RFPL2: variants seen among roughly 807,000 people sequenced by gnomAD.
RFPL2 encodes ret finger protein-like 2.
A neutral mutation model predicts 17.8 loss-of-function variants in RFPL2; 13 were observed. That is an observed-to-expected ratio of 0.73 (90% CI 0.47 to 1.16). The LOEUF (loss-of-function observed/expected upper bound fraction) is 1.16. Among genes scored for constraint, RFPL2 ranks in the 50% most tolerant of loss-of-function variants. The pLI is 0.00. For synonymous variants in RFPL2, 189 were observed against 180.9 expected, an observed-to-expected ratio of 1.04 and a Z score of -0.36; for missense variants, 431 against 479.3, an observed-to-expected ratio of 0.90 and a Z score of 0.94.
In RFPL2 at chr22:32,192,963, C is replaced by T; in HGVS notation, c.495G>A (p.Lys165=). 1.2e-6 allele frequency: 2 copies of T among 1,614,160 alleles called. No individual in the cohort carries two copies. Among genetic ancestry groups the T allele is most frequent in the Non-Finnish European group, 1.7e-6 (2 of 1,180,028 alleles). Residue 165 remains lysine, a synonymous_variant, in exon 4 of 5, where the codon AAG becomes AAA. Coordinates refer to ENST00000652607, the MANE Select transcript of RFPL2 (RefSeq NM_001394555.1). ...RQLERLASHI[K]ELEPKLKKIL... is the part of the protein sequence containing the mutation. ...TCTTCTTCAGCTTGGGCTCCAGTTC[C>T]TTGATGTGGGAAGCCAGCCTCTCTA...
At chr22:32,200,876 G>A (rs930533237) in intron 2 of RFPL2, among the ~76,000 whole-genome samples, 7 of 151,944 alleles carry the variant, frequency 4.6e-5, no homozygotes, top group Non-Finnish European at 1.0e-4. Context: ...GGCCCGCCTC[G>A]ATTCTTCACC....
rs136492 is a variant in RFPL2, at chr22:32,201,039, CT to C, written c.119+1293del. Among the ~76,000 whole-genome samples, 1,301 of 130,494 alleles carry C rather than the reference CT, an allele frequency of 1.0e-2. 8 individuals carry two copies. Among genetic ancestry groups the C allele is most frequent in the Non-Finnish European group, 0.012 (754 of 62,066 alleles). The allele number at this position is 130,494 out of a possible 152,430, so 85.6% of individuals were successfully genotyped here. ...AGGGTAATAGGTGTTCCCTTATTTCCTTTTTTTTTTTTTTTTTTGAGACAGT... is the reference window on the plus strand; with the variant it reads ...AGGGTAATAGGTGTTCCCTTATTTCCTTTTTTTTTTTTTTTTTGAGACAGT... On this transcript the variant is annotated intron_variant, in intron 2 of 4. Transcript: ENST00000652607.
chr22:32,193,491 G>C, intron 3 of RFPL2: 1 of 1,418,778 alleles, frequency 7.0e-7, no homozygotes, highest in Non-Finnish European at 9.2e-7. Context: ...GCACCCATGT[G>C]AGGAACAGCG....
At chr22:32,195,192 C>G (rs773630000) in intron 2 of RFPL2, among the ~76,000 whole-genome samples, 1 of 152,136 alleles carries the variant, frequency 6.6e-6, no homozygotes, top group Non-Finnish European at 1.5e-5. Flanking sequence ...TTTTCCCTAT[C>G]CCTTTGGCAC....
At chr22:32,204,310 C>G (rs975054098) in intron 1 of RFPL2, among the ~76,000 whole-genome samples, 1 of 152,170 alleles carries the variant, frequency 6.6e-6, no homozygotes, top group African/African-American at 2.4e-5. Context: ...TACCCCAGCG[C>G]GACCAGTGCA....
chr22:32,193,802 G>A (rs1454139977), intron 3 of RFPL2, among the ~76,000 whole-genome samples: 1 of 148,986 alleles, frequency 6.7e-6, no homozygotes, highest in Non-Finnish European at 1.5e-5. Context: ...GGCAGAGGTT[G>A]CAGTGAGCCG....
Position 32,202,534 on chromosome 22 carries a change from G to T in RFPL2, c.-83C>A. On this transcript the variant is annotated 5_prime_UTR_variant, in exon 2 of 5. The change creates a new upstream start codon in the 5' untranslated region. Coordinates refer to ENST00000652607, the MANE Select transcript of RFPL2 (RefSeq NM_001394555.1). ...TCTCAGGGCACTGGGCATCCGGGCA[G>T]ACAAAGCCAGAAAAGCCTAGAACAG... 6.5e-7 allele frequency: 1 copy of T among 1,535,568 alleles called. No individual in the cohort carries two copies. The highest frequency in any genetic ancestry group is 1.2e-5 in the South Asian group (1 of 82,300).
At chr22:32,194,294 C>A in intron 3 of RFPL2, 51 bp downstream of exon 3, 12 of 1,579,384 alleles carry the variant, frequency 7.6e-6, no homozygotes, top group Non-Finnish European at 1.0e-5. Context: ...AGTCATAACC[C>A]CCATTTCTAG....
rs1032965702 is a variant in RFPL2, at chr22:32,190,607, A to T, written c.*165T>A. 1 of 642,360 alleles carries T rather than the reference A, an allele frequency of 1.6e-6. No individual in the cohort carries two copies. The highest frequency in any genetic ancestry group is 1.9e-5 in the African/African-American group (1 of 53,530). The allele number at this position is 642,360 out of a possible 1,614,324, so 39.8% of individuals were successfully genotyped here. ...GAGTTTGATGGTGGCAATAATTAAT[A>T]CTTAGGACTCTATAATCTAATCAAA... is the stretch of plus-strand genomic sequence containing the variant. On this transcript the variant is annotated 3_prime_UTR_variant, in exon 5 of 5. Transcript: ENST00000652607.
intron 1 of RFPL2, chr22:32,202,879 C>G (rs2123821221): frequency 9.8e-7 from 1 of 1,023,032 alleles, no homozygotes; most frequent in East Asian, 9.4e-5. Flanking sequence ...GCCCTGTAGC[C>G]TCCTCGTGTC....
At chr22:32,202,698 C>T in intron 1 of RFPL2, 148 bp from the exon 2 acceptor site, 2 of 1,318,178 alleles carry the variant, frequency 1.5e-6, no homozygotes, top group Non-Finnish European at 1.9e-6. Context: ...GAACTGCGGC[C>T]TGGAGTGGGG....
At position 32,194,572 on chromosome 22, in the gene RFPL2, C is replaced by G; in HGVS notation, c.120-82G>C. 3 of 1,372,886 alleles carry G rather than the reference C, an allele frequency of 2.2e-6. No homozygotes were observed. In the South Asian group the frequency reaches 3.8e-5, roughly 17 times the overall value. 85.0% of individuals were successfully genotyped at this position (1,372,886 alleles called of 1,614,324 possible). ...ATTATAACTTCAGTAAATCCTTCAT[C>G]CTGACAGTGTATTTTTCTTTCATAT... On this transcript the variant is annotated intron_variant, in intron 2 of 4. Coordinates refer to ENST00000652607, the MANE Select transcript of RFPL2 (RefSeq NM_001394555.1).
chr22:32,193,332 C>T (rs1165158142), intron 3 of RFPL2, 140 bp from the exon 4 acceptor site: 10 of 1,574,678 alleles, frequency 6.4e-6, no homozygotes, highest in Non-Finnish European at 7.8e-6. Context: ...TGAGTACAAA[C>T]ACTCAAGCAC....
At chr22:32,192,304 A>G (rs1477360244) in intron 4 of RFPL2, among the ~76,000 whole-genome samples, 11 of 152,062 alleles carry the variant, frequency 7.2e-5, no homozygotes, top group Admixed American at 6.5e-4. Flanking sequence ...AGTTATAGAG[A>G]TGTATAGTAT....
intron 1 of RFPL2, chr22:32,203,398 C>T (rs1244975448): frequency 1.3e-5 from 2 of 151,778 alleles, no homozygotes; most frequent in Admixed American, 1.3e-4. Context: ...AGATAGCGCC[C>T]CTAAAACGCC....
At chr22:32,202,209 T>A in intron 2 of RFPL2, 124 bp downstream of exon 2, 1 of 1,235,564 alleles carries the variant, frequency 8.1e-7, no homozygotes, top group South Asian at 1.5e-5. Flanking sequence ...TGGACTCCCC[T>A]CTCCTTCTCT....
At chr22:32,193,571 G>A in intron 3 of RFPL2, 2 of 1,152,938 alleles carry the variant, frequency 1.7e-6, no homozygotes, top group Non-Finnish European at 2.2e-6. Flanking sequence ...TAAGAATTAG[G>A]GGCTGGGAGG....
Position 32,202,315 on chromosome 22 carries a change from C to T in RFPL2, c.119+18G>A. 6.3e-7 allele frequency: 1 copy of T among 1,577,446 alleles called. No individual in the cohort carries two copies. Reference sequence around the variant, plus strand: ...CTCCACCCTGGAGCAATGCGGAAAACCCAGAATTGTCTCTCACCTCAGGCT... The same window carrying T: ...CTCCACCCTGGAGCAATGCGGAAAATCCAGAATTGTCTCTCACCTCAGGCT... On this transcript the variant is annotated intron_variant, in intron 2 of 4. Coordinates refer to ENST00000652607, the MANE Select transcript of RFPL2 (RefSeq NM_001394555.1).
In RFPL2 at chr22:32,192,425, A is replaced by G. The variant is rs556400926; in HGVS notation, c.556+477T>C. ...AAACACCATAGGTGCTCCATTCCCA[A>G]CTCTTCCCAACCCTGGGGTAAGGTT... On this transcript the variant is annotated intron_variant, in intron 4 of 4. Transcript: ENST00000652607. Among the ~76,000 whole-genome samples, 12 of 152,016 alleles carry G rather than the reference A, an allele frequency of 7.9e-5. No individual in the cohort carries two copies. In the East Asian group the frequency reaches 2.3e-3, roughly 29 times the overall value.
Sources: gnomAD v4.1 joint callset for allele counts (sites outside exome capture counted in the v4.1 genomes callset) on GRCh38, gnomAD v4.1.1 for gene constraint, MANE v1.5 for transcripts, NCBI Gene and HGNC (gene_info 2026-07-23, HGNC 2026-07-21) for gene names.